Variants in GDI2 observed in about 807,000 individuals in gnomAD.
GDI2 encodes rab GDP dissociation inhibitor beta.
Under a neutral mutation model 54.2 loss-of-function variants are expected in GDI2, and 22 were observed. The ratio of observed to expected loss-of-function variants is 0.41; its 90% CI spans 0.29 to 0.58. The LOEUF (loss-of-function observed/expected upper bound fraction) is 0.58. Among genes scored for constraint, GDI2 ranks in the 20% least tolerant of loss-of-function variants. The pLI is 0.35. For synonymous variants in GDI2, 177 were observed against 182.1 expected (o/e 0.97, Z 0.23); for missense variants, 422 against 546.0 (o/e 0.77, Z 2.26).
rs1348458771 is a variant in GDI2, at chr10:5,786,061, AAG to A, written c.389-13_389-12del. 6.3e-7 allele frequency: 1 copy of A among 1,595,800 alleles called. No individual in the cohort carries two copies. The highest frequency in any genetic ancestry group is 8.6e-7 in the Non-Finnish European group (1 of 1,165,566). On this transcript the variant is annotated splice_polypyrimidine_tract_variant and intron_variant, in intron 4 of 10. Transcript: ENST00000380191. Reference sequence around the variant, plus strand: ...ACAATCCCATTAGGCCTAAATAAAAAAGAATTTTTCAAAAAGCACACTCACAA... The same window carrying A: ...ACAATCCCATTAGGCCTAAATAAAAAAATTTTTCAAAAAGCACACTCACAA...
In GDI2 at chr10:5,768,130, C is replaced by A; in HGVS notation, c.991+83G>T. 8.3e-7 allele frequency: 1 copy of A among 1,204,886 alleles called. No homozygotes were observed. Among genetic ancestry groups the A allele is most frequent in the Non-Finnish European group, 1.2e-6 (1 of 828,514 alleles). The allele number at this position is 1,204,886 out of a possible 1,614,324, so 74.6% of individuals were successfully genotyped here. ...AAGGTCTGTTCACTAATACAGCATA[C>A]AAAATTAGGAATTTGGGATAAAACA... On this transcript the variant is annotated intron_variant, in intron 8 of 10. Transcript: ENST00000380191. The surrounding 1 kb of genome is among the most constrained non-coding windows in gnomAD (Gnocchi z 4.4).
intron 2 of GDI2, among the ~76,000 whole-genome samples, chr10:5,797,946 A>G (rs1841183601): frequency 6.6e-6 from 1 of 152,188 alleles, no homozygotes; most frequent in South Asian, 2.1e-4. Context: ...CTAATCAGAA[A>G]AGATAATTAA....
intron 8 of GDI2, among the ~76,000 whole-genome samples, chr10:5,767,496 T>G (rs1412585489): frequency 6.6e-6 from 1 of 152,068 alleles, no homozygotes; most frequent in African/African-American, 2.4e-5. Context: ...TTTGTTTGTT[T>G]TTTGTTTTTG....
At chr10:5,805,751 A>G (rs939269471) in intron 1 of GDI2, among the ~76,000 whole-genome samples, 2 of 152,158 alleles carry the variant, frequency 1.3e-5, no homozygotes, top group East Asian at 3.8e-4. Flanking sequence ...GTGTTTGCAA[A>G]TTTTATTATA....
chr10:5,781,399 A>G (rs970935068), intron 6 of GDI2, among the ~76,000 whole-genome samples: 3 of 151,972 alleles, frequency 2.0e-5, no homozygotes, highest in African/African-American at 7.2e-5. Flanking sequence ...AGGCCAAGGC[A>G]GGCGGATCAT....
chr10:5,788,679 G>GCAGCCCATAGGCCACAGA (rs1277768696), intron 4 of GDI2, among the ~76,000 whole-genome samples: 3 of 152,138 alleles, frequency 2.0e-5, no homozygotes, highest in African/African-American at 7.2e-5. Context: ...TGGACCACAT[G>GCAGCCCATAGGCCACAGA]CAGCCCATAG....
Position 5,768,303 on chromosome 10 carries a change from T to C in GDI2, c.901A>G (p.Ile301Val). ...VEKVGQVIRV[I>V]CILSHPIKNT... is the part of the protein sequence containing the mutation. ...TTGATGGGGTGGCTGAGGATGCAAA[T>C]AACTCTGATCACCTGGCCCACTTTT... Residue 301 changes from isoleucine (I) to valine (V), a missense_variant, in exon 8 of 11, where the codon ATT becomes GTT. Ile to Val is a conservative substitution (Grantham distance 29). Coordinates refer to ENST00000380191, the MANE Select transcript of GDI2 (RefSeq NM_001494.4). The surrounding 1 kb of genome is among the most constrained non-coding windows in gnomAD (Gnocchi z 4.4). 1 of 1,611,594 alleles carries C rather than the reference T, an allele frequency of 6.2e-7. No individual in the cohort carries two copies. The highest frequency in any genetic ancestry group is 2.2e-5 in the East Asian group (1 of 44,888).
chr10:5,785,280 G>T lies in GDI2; in HGVS notation c.588-7C>A, dbSNP rs762864982. 5 of 1,577,168 alleles carry T rather than the reference G, an allele frequency of 3.2e-6. No individual in the cohort carries two copies. The South Asian group carries it at 5.7e-5, about 18-fold the overall frequency. On this transcript the variant is annotated splice_region_variant and splice_polypyrimidine_tract_variant and intron_variant, in intron 5 of 10. Transcript: ENST00000380191. ...ACACGGTTGATCTAAGTAACTGGAA[G>T]AAAGGAAATGAGTATTAGGAAAGGG...
chr10:5,775,975 T>A (rs1840610326), intron 6 of GDI2: 1 of 173,564 alleles, frequency 5.8e-6, no homozygotes, highest in Admixed American at 6.4e-5. Flanking sequence ...TCCCTGCGGC[T>A]GCATCGCGCT....
chr10:5,787,365 G>A (rs1588977082), intron 4 of GDI2, among the ~76,000 whole-genome samples: 2 of 152,310 alleles, frequency 1.3e-5, no homozygotes, highest in Middle Eastern at 6.8e-3. Context: ...TTAGCTGGGT[G>A]TGGTGGCGCA....
At chr10:5,811,440 A>G (rs1841477951) in intron 1 of GDI2, among the ~76,000 whole-genome samples, 1 of 152,224 alleles carries the variant, frequency 6.6e-6, no homozygotes, top group South Asian at 2.1e-4. Flanking sequence ...AGTGATGTGA[A>G]CGAGGCTTGT....
chr10:5,805,830 TA>T lies in GDI2; in HGVS notation c.46-5126del, dbSNP rs199700630. ...TCTGTGTAATATCCGAGTTGGGGCCTAAACTTCCGCATTTCTGGTAAATTCT... is the reference window on the plus strand; with the variant it reads ...TCTGTGTAATATCCGAGTTGGGGCCTAACTTCCGCATTTCTGGTAAATTCT... On this transcript the variant is annotated intron_variant, in intron 1 of 10. Transcript: ENST00000380191. 1.1e-3 allele frequency among the ~76,000 whole-genome samples: 163 copies of T among 152,360 alleles called. 3 individuals are homozygous for T. In the East Asian group the frequency reaches 0.023, roughly 21 times the overall value.
At chr10:5,802,220 G>A (rs1230240134) in intron 1 of GDI2, among the ~76,000 whole-genome samples, 1 of 151,934 alleles carries the variant, frequency 6.6e-6, no homozygotes, top group African/African-American at 2.4e-5. Flanking sequence ...TTCAGATTTA[G>A]GTATTTGACA....
chr10:5,810,938 CTTACACTTCT>C (rs1008415086), intron 1 of GDI2, among the ~76,000 whole-genome samples: 1 of 152,188 alleles, frequency 6.6e-6, no homozygotes, highest in Non-Finnish European at 1.5e-5. Context: ...CCAGCACTTC[CTTACACTTCT>C]TTAAAAGTAA....
At chr10:5,797,010 A>C in intron 2 of GDI2, 148 bp from the exon 3 acceptor site, 2 of 512,414 alleles carry the variant, frequency 3.9e-6, no homozygotes, top group Non-Finnish European at 6.9e-6. Context: ...TATCAGATAA[A>C]ATTTTTAGCA....
chr10:5,771,334 G>C (rs897486930), intron 7 of GDI2, among the ~76,000 whole-genome samples: 3 of 152,152 alleles, frequency 2.0e-5, no homozygotes, highest in Non-Finnish European at 4.4e-5. Context: ...TAACCTCAAA[G>C]GATTGTTGTT....
chr10:5,766,628 G>A lies in GDI2; in HGVS notation c.1002C>T (p.Val334=). 1 of 1,613,622 alleles carries A rather than the reference G, an allele frequency of 6.2e-7. No homozygotes were observed. The highest frequency in any genetic ancestry group is 8.5e-7 in the Non-Finnish European group (1 of 1,179,538). Residue 334 remains valine (V), a synonymous_variant, in exon 9 of 11, where the codon GTC becomes GTT. Transcript: ENST00000380191. This position sits in a 1 kb window ranked among gnomAD's most constrained non-coding sequence, Gnocchi z 5.8. The stretch of plus-strand genomic sequence containing the variant: ...CATTGTGCGCAAAGGAGATCATGCA[G>A]ACGTAGATATCTAGAAACAAATGAT... The part of the protein sequence containing the change: ...NQVNRKSDIY[V]CMISFAHNVA...
chr10:5,804,813 A>C (rs1437066078), intron 1 of GDI2, among the ~76,000 whole-genome samples: 9 of 151,756 alleles, frequency 5.9e-5, no homozygotes, highest in African/African-American at 2.2e-4. Flanking sequence ...ACATAACCTA[A>C]AATATTTACT....
At chr10:5,783,067 G>A (rs750161264) in intron 6 of GDI2, among the ~76,000 whole-genome samples, 1 of 152,172 alleles carries the variant, frequency 6.6e-6, no homozygotes, top group Non-Finnish European at 1.5e-5. Flanking sequence ...TATAGTGACA[G>A]AAATCACAGA....
Sources: gnomAD v4.1 joint callset for allele counts (sites outside exome capture counted in the v4.1 genomes callset) on GRCh38, gnomAD v4.1.1 for gene constraint, Gnocchi (gnomAD v3.1) non-coding constraint, MANE v1.5 for transcripts, NCBI Gene and HGNC (gene_info 2026-07-23, HGNC 2026-07-21) for gene names.